The following ZFAND3 variants were observed in gnomAD, a reference collection of about 807,000 sequenced individuals.
ZFAND3 encodes the protein zinc finger AN1-type containing 3, also known as AN1-type zinc finger protein 3.
In ZFAND3, 10 loss-of-function variants were observed where a neutral mutation model predicts 29.6. The ratio of observed to expected loss-of-function variants is 0.34; its 90% CI spans 0.21 to 0.57. The LOEUF (loss-of-function observed/expected upper bound fraction) is 0.57, where lower values mean the gene tolerates loss of function less well. Among genes scored for constraint, ZFAND3 ranks in the 20% least tolerant of loss-of-function variants. The pLI is 0.86. For synonymous variants in ZFAND3, 128 were observed against 112.6 expected (o/e 1.14, Z -0.87); for missense variants, 230 against 304.5 (o/e 0.76, Z 1.82).
At chr6:38,113,544 G>C (rs1234422738) in intron 4 of ZFAND3, among the ~76,000 whole-genome samples, 1 of 152,166 alleles carries the variant, frequency 6.6e-6, no homozygotes, top group African/African-American at 2.4e-5. Flanking sequence ...GTAAGATGGG[G>C]AATTAAGAGA....
chr6:37,891,959 A>G (rs1411281571), intron 1 of ZFAND3, among the ~76,000 whole-genome samples: 3 of 151,962 alleles, frequency 2.0e-5, no homozygotes, highest in African/African-American at 7.3e-5. Flanking sequence ...GAACCCCTGA[A>G]CTCAGGCAAT....
intron 2 of ZFAND3, among the ~76,000 whole-genome samples, chr6:37,934,531 A>AT (rs1761659673): frequency 9.9e-6 from 1 of 100,582 alleles, no homozygotes; most frequent in South Asian, 3.5e-4. Context: ...AGTCTATTTA[A>AT]AAAAAAAAAA....
intron 1 of ZFAND3, among the ~76,000 whole-genome samples, chr6:37,929,297 T>C (rs950590563): frequency 1.3e-5 from 2 of 152,226 alleles, no homozygotes; most frequent in Admixed American, 6.5e-5. Flanking sequence ...GTAATACCCA[T>C]CTTAGTGATG....
intron 1 of ZFAND3, among the ~76,000 whole-genome samples, chr6:37,858,490 G>A (rs1319680403): frequency 1.3e-5 from 2 of 152,166 alleles, no homozygotes; most frequent in African/African-American, 4.8e-5. Context: ...TCCTTTTTGA[G>A]GCTTTATGTG....
At chr6:37,977,728 T>G (rs1018001834) in intron 2 of ZFAND3, among the ~76,000 whole-genome samples, 3 of 151,836 alleles carry the variant, frequency 2.0e-5, no homozygotes, top group Non-Finnish European at 4.4e-5. Context: ...CAGATGCTCT[T>G]GATTAGGTTA....
chr6:37,958,233 CACCT>C, intron 2 of ZFAND3, among the ~76,000 whole-genome samples: 1 of 152,286 alleles, frequency 6.6e-6, no homozygotes, highest in South Asian at 2.1e-4. Flanking sequence ...GTGGGCAGAT[CACCT>C]GAGGTCAGGA....
At chr6:37,871,831 G>A (rs914370016) in intron 1 of ZFAND3, among the ~76,000 whole-genome samples, 2 of 152,164 alleles carry the variant, frequency 1.3e-5, no homozygotes, top group African/African-American at 2.4e-5. Flanking sequence ...ACTGGTTTCT[G>A]TTGTATACCT....
intron 1 of ZFAND3, among the ~76,000 whole-genome samples, chr6:37,856,455 CT>C (rs1480640200): frequency 6.6e-6 from 1 of 152,184 alleles, no homozygotes; most frequent in Non-Finnish European, 1.5e-5. Flanking sequence ...GCATATATAG[CT>C]TTTCGTGACT....
At chr6:38,058,608 G>A (rs1764176681) in intron 2 of ZFAND3, among the ~76,000 whole-genome samples, 1 of 152,166 alleles carries the variant, frequency 6.6e-6, no homozygotes, top group South Asian at 2.1e-4. Flanking sequence ...CTCACTAGTG[G>A]TGCTGGAAAT....
At chr6:37,946,908 A>C (rs1177683001) in intron 2 of ZFAND3, among the ~76,000 whole-genome samples, 4 of 152,168 alleles carry the variant, frequency 2.6e-5, no homozygotes, top group Non-Finnish European at 2.9e-5. Flanking sequence ...TTAATGGATA[A>C]AGAAAGTCAA....
At chr6:37,939,417 A>G (rs1761770043) in intron 2 of ZFAND3, among the ~76,000 whole-genome samples, 1 of 152,118 alleles carries the variant, frequency 6.6e-6, no homozygotes, top group Admixed American at 6.5e-5. Context: ...GACAGTTGTC[A>G]TTGGCTCAGT....
intron 2 of ZFAND3, among the ~76,000 whole-genome samples, chr6:37,944,114 T>G (rs1761858372): frequency 6.6e-6 from 1 of 152,220 alleles, no homozygotes; most frequent in Non-Finnish European, 1.5e-5. Context: ...TTTTTGTGTA[T>G]TTGTGTGTAT....
intron 3 of ZFAND3, among the ~76,000 whole-genome samples, chr6:38,068,706 T>G (rs949194785): frequency 6.6e-6 from 1 of 152,210 alleles, no homozygotes; most frequent in Admixed American, 6.5e-5. Flanking sequence ...GACATACTTT[T>G]GTTGTAGTAA....
intron 1 of ZFAND3, among the ~76,000 whole-genome samples, chr6:37,869,044 A>G (rs879457655): frequency 1.3e-5 from 2 of 152,214 alleles, no homozygotes; most frequent in African/African-American, 2.4e-5. Context: ...GTCAATTTTG[A>G]TAAGTTATAT....
At chr6:37,986,072 G>A (rs962604452) in intron 2 of ZFAND3, among the ~76,000 whole-genome samples, 1 of 152,160 alleles carries the variant, frequency 6.6e-6, no homozygotes, top group Admixed American at 6.5e-5. Flanking sequence ...AGATACGTTT[G>A]ATTTGGCCTG....
At chr6:37,988,910 AT>A (rs1040758558) in intron 2 of ZFAND3, among the ~76,000 whole-genome samples, 40 of 146,198 alleles carry the variant, frequency 2.7e-4, no homozygotes, top group Middle Eastern at 3.5e-3. Flanking sequence ...ATTTAGCTGA[AT>A]TTTTTTTTTT....
At chr6:37,959,698 G>T (rs1464080212) in intron 2 of ZFAND3, among the ~76,000 whole-genome samples, 3 of 152,164 alleles carry the variant, frequency 2.0e-5, no homozygotes, top group Non-Finnish European at 2.9e-5. Flanking sequence ...ATATGGACAA[G>T]CATTTTCTGG....
intron 5 of ZFAND3, among the ~76,000 whole-genome samples, chr6:38,131,376 G>C (rs930867639): frequency 6.6e-6 from 1 of 152,112 alleles, no homozygotes; most frequent in Non-Finnish European, 1.5e-5. Context: ...AGAAGTGTGG[G>C]CCTCAGCCCA....
Position 37,887,335 on chromosome 6 carries a change from T to C in ZFAND3, c.72-42624T>C, listed in dbSNP as rs183306923. 3.3e-5 allele frequency among the ~76,000 whole-genome samples: 5 copies of C among 152,358 alleles called. No individual in the cohort carries two copies. In the East Asian group the frequency reaches 9.6e-4, roughly 29 times the overall value. ...GTAAGAATTTGTATTAAATATGTAATAATCTTGACTTTCTTTTTAAAAATC... is the reference window on the plus strand; with the variant it reads ...GTAAGAATTTGTATTAAATATGTAACAATCTTGACTTTCTTTTTAAAAATC... On this transcript the variant is annotated intron_variant, in intron 1 of 5. Coordinates refer to ENST00000287218, the MANE Select transcript of ZFAND3 (RefSeq NM_021943.3).
Sources: allele counts gnomAD v4.1 joint callset (sites outside exome capture counted in the v4.1 genomes callset), GRCh38; gene constraint gnomAD v4.1.1; transcripts MANE v1.5; gene names NCBI Gene and HGNC (gene_info 2026-07-23, HGNC 2026-07-21).